Variants in MMP20 observed in about 807,000 individuals in gnomAD.
MMP20 encodes matrix metallopeptidase 20.
A neutral mutation model predicts 51.8 loss-of-function variants in MMP20; 50 were observed. The ratio of observed to expected loss-of-function variants is 0.97; its 90% confidence interval spans 0.77 to 1.22. The LOEUF (loss-of-function observed/expected upper bound fraction) is 1.22, where lower values mean the gene tolerates loss of function less well. Ranked by LOEUF, MMP20 falls within the 50% of genes most tolerant of loss-of-function variation. The pLI is 0.00. For missense variants in MMP20, 663 were observed against 601.4 expected, an observed-to-expected ratio of 1.10 and a Z score of -1.07; for synonymous variants, 244 against 216.2, an observed-to-expected ratio of 1.13 and a Z score of -1.13.
intron 1 of MMP20, among the ~76,000 whole-genome samples, chr11:102,617,916 T>C (rs1591624496): frequency 6.6e-6 from 1 of 152,312 alleles, no homozygotes; most frequent in Non-Finnish European, 1.5e-5. Context: ...AAAGAGCAGC[T>C]AAGGGTTCAG....
intron 5 of MMP20, among the ~76,000 whole-genome samples, 173 bp downstream of exon 5, chr11:102,608,764 C>G (rs375084251): frequency 5.5e-4 from 83 of 152,216 alleles, no homozygotes; most frequent in African/African-American, 1.9e-3. Flanking sequence ...AATTTAATCA[C>G]ACATCACACA....
In MMP20 at chr11:102,611,995, A is replaced by C; in HGVS notation, c.375-92T>G. 3 of 1,246,132 alleles carry C rather than the reference A, an allele frequency of 2.4e-6. No individual in the cohort carries two copies. The East Asian group carries it at 7.2e-5, about 30-fold the overall frequency. 77.2% of individuals were successfully genotyped at this position (1,246,132 alleles called of 1,614,324 possible). On this transcript the variant is annotated intron_variant, in intron 2 of 9. Transcript: ENST00000260228. ...TGTATTCAAAAAATGTTAAATGTAA[A>C]TCTACAATTTAGATTTTTCTCTGAA... is the stretch of plus-strand genomic sequence containing the variant.
chr11:102,585,683 G>A (rs1221934649), intron 8 of MMP20, among the ~76,000 whole-genome samples: 1 of 152,148 alleles, frequency 6.6e-6, no homozygotes, highest in Non-Finnish European at 1.5e-5. Flanking sequence ...TGTTTTTGAT[G>A]TTAGGAGGAA....
In MMP20 at chr11:102,601,125, CTTTTTTTTTT is replaced by C. The variant is rs1168517234; in HGVS notation, c.953+5400_953+5409del. ...AAATGACCACGAAGTGTCGGCTATT[CTTTTTTTTTT>C]TTTTTTTTTTTTTTTGAGACGGAGT... On this transcript the variant is annotated intron_variant, in intron 6 of 9. Transcript: ENST00000260228. 1.8e-4 allele frequency among the ~76,000 whole-genome samples: 5 copies of C among 28,252 alleles called. 1 individual carries two copies. The highest frequency in any genetic ancestry group is 8.6e-4 in the African/African-American group (5 of 5,844). 18.5% of individuals were successfully genotyped at this position (28,252 alleles called of 152,430 possible). A position where few individuals can be genotyped will look rare whatever the true frequency, so the allele number is the denominator to read the frequency against.
chr11:102,617,175 C>T, intron 1 of MMP20, 116 bp from the exon 2 acceptor site: 1 of 1,259,372 alleles, frequency 7.9e-7, no homozygotes, highest in Non-Finnish European at 1.1e-6. Flanking sequence ...GAGTATTTTC[C>T]CATTTATGAA....
chr11:102,604,997 A>G (rs1859495746), intron 6 of MMP20, among the ~76,000 whole-genome samples: 1 of 152,208 alleles, frequency 6.6e-6, no homozygotes, highest in Middle Eastern at 3.2e-3. Context: ...CCAAATTCCT[A>G]TGCTGAAGCC....
At chr11:102,624,464 G>A (rs1281571250) in intron 1 of MMP20, among the ~76,000 whole-genome samples, 7 of 145,882 alleles carry the variant, frequency 4.8e-5, no homozygotes, top group Non-Finnish European at 9.0e-5. Flanking sequence ...ATCATTTTGA[G>A]TCAAGCAGTC....
intron 8 of MMP20, among the ~76,000 whole-genome samples, chr11:102,582,050 GTATT>G (rs986766391): frequency 6.6e-6 from 1 of 151,958 alleles, no homozygotes; most frequent in African/African-American, 2.4e-5. Context: ...TTGATTCAAG[GTATT>G]TACATTTAAT....
chr11:102,621,455 G>A (rs976353552), intron 1 of MMP20, among the ~76,000 whole-genome samples: 9 of 152,300 alleles, frequency 5.9e-5, no homozygotes, highest in African/African-American at 1.9e-4. Context: ...TTAATTTCTT[G>A]TGGTTTCAGT....
At chr11:102,594,455 G>A (rs1322566804) in intron 7 of MMP20, among the ~76,000 whole-genome samples, 166 bp downstream of exon 7, 42 of 152,182 alleles carry the variant, frequency 2.8e-4, no homozygotes, top group Non-Finnish European at 2.9e-5. Flanking sequence ...GTTACACAAT[G>A]TCGGGTATAA....
intron 9 of MMP20, among the ~76,000 whole-genome samples, chr11:102,578,579 T>C (rs2135926187): frequency 6.6e-6 from 1 of 152,146 alleles, no homozygotes; most frequent in South Asian, 2.1e-4. Context: ...CCACTAAAAA[T>C]ACAAACATTA....
chr11:102,622,265 C>G (rs998101982), intron 1 of MMP20, among the ~76,000 whole-genome samples: 4 of 152,068 alleles, frequency 2.6e-5, no homozygotes, highest in Non-Finnish European at 4.4e-5. Flanking sequence ...AGCGAGTGAC[C>G]TAACAGATCA....
At chr11:102,603,476 T>G (rs569914219) in intron 6 of MMP20, among the ~76,000 whole-genome samples, 1 of 152,336 alleles carries the variant, frequency 6.6e-6, no homozygotes, top group African/African-American at 2.4e-5. Flanking sequence ...CTCCACCCCT[T>G]ACTAGCTATG....
In MMP20 at chr11:102,577,329, G is replaced by A; in HGVS notation, c.1449C>T (p.Cys483=). 3 of 1,608,742 alleles carry A rather than the reference G, an allele frequency of 1.9e-6. No individual in the cohort carries two copies. Residue 483 remains cysteine (C), a synonymous_variant, in exon 10 of 10, where the codon TGC becomes TGT. Transcript: ENST00000260228. ...SVVKSSSWIG[C] is the part of the protein sequence containing the mutation. The stretch of plus-strand genomic sequence containing the variant: ...TGAGAAGACTAGGCTTTTCTATTTA[G>A]CAACCAATCCAGGAACTAGATTTCA...
intron 6 of MMP20, among the ~76,000 whole-genome samples, chr11:102,598,997 G>C (rs547339411): frequency 2.1e-5 from 3 of 146,128 alleles, no homozygotes; most frequent in Admixed American, 7.1e-5. Context: ...GTGGGAAGGG[G>C]TGTCTTTCTT....
chr11:102,610,721 C>G (rs1009282847), intron 3 of MMP20, among the ~76,000 whole-genome samples: 1 of 149,768 alleles, frequency 6.7e-6, no homozygotes, highest in Non-Finnish European at 1.5e-5. Flanking sequence ...TAGTTTACCA[C>G]TTAAAAAAAT....
rs1239999486 is a variant in MMP20 at position 102,609,985 on chromosome 11, G to A, written c.569C>T (p.Ala190Val). The change falls in exon 4 of 10, where the codon GCC becomes GTC. Residue 190 changes from alanine to valine, a missense_variant. Physicochemically the swap from Ala to Val is moderately conservative, Grantham distance 64. Coordinates refer to ENST00000260228, the MANE Select transcript of MMP20 (RefSeq NM_004771.4). ...YPFDGPRGTL[A>V]HAFAPGEGLG... The stretch of plus-strand genomic sequence containing the variant: ...GCCTTCTCCAGGAGCAAATGCATGG[G>A]CTAGAGTCCCCCGAGGCCCATCGAA... The A allele has an allele frequency of 1.2e-6, 2 of 1,614,130 alleles. No homozygotes were observed. The highest frequency in any genetic ancestry group is 1.7e-6 in the Non-Finnish European group (2 of 1,180,024).
At chr11:102,606,133 G>T (rs1830522870) in intron 6 of MMP20, among the ~76,000 whole-genome samples, 1 of 152,146 alleles carries the variant, frequency 6.6e-6, no homozygotes, top group African/African-American at 2.4e-5. Context: ...ACACTCACTA[G>T]GGATAAAGTG....
chr11:102,591,292 G>C (rs190310669), intron 8 of MMP20, among the ~76,000 whole-genome samples: 1 of 152,338 alleles, frequency 6.6e-6, no homozygotes, highest in East Asian at 1.9e-4. Flanking sequence ...TGAAGGGATT[G>C]TCTATGTTTT....
Sources: allele counts gnomAD v4.1 joint callset (sites outside exome capture counted in the v4.1 genomes callset), GRCh38; gene constraint gnomAD v4.1.1; transcripts MANE v1.5; gene names NCBI Gene and HGNC (gene_info 2026-07-23, HGNC 2026-07-21).